Variants in GRID1 observed in about 807,000 individuals in gnomAD.
GRID1 encodes glutamate ionotropic receptor delta type subunit 1.
In GRID1, 28 loss-of-function variants were observed where a neutral mutation model predicts 98.0. The observed-to-expected ratio is 0.29, with a 90% CI of 0.21 to 0.39. The LOEUF is 0.39. Among genes scored for constraint, GRID1 ranks in the 10% least tolerant of loss-of-function variants. The pLI, the probability that GRID1 is intolerant of heterozygous loss-of-function variation, is 1.00. For synonymous variants in GRID1, 553 were observed against 538.5 expected, an observed-to-expected ratio of 1.03 and a Z score of -0.37; for missense variants, 1,111 against 1,340.5, an observed-to-expected ratio of 0.83 and a Z score of 2.67.
intron 4 of GRID1, among the ~76,000 whole-genome samples, chr10:86,057,776 A>C (rs943676660): frequency 1.4e-4 from 21 of 150,718 alleles, no homozygotes; most frequent in African/African-American, 4.4e-4. Context: ...CTTTCTCCAC[A>C]CTCTAATGCA....
intron 12 of GRID1, among the ~76,000 whole-genome samples, chr10:85,666,772 C>A (rs1033091739): frequency 2.0e-5 from 3 of 152,140 alleles, no homozygotes; most frequent in Non-Finnish European, 2.9e-5. Flanking sequence ...CTAACACTTA[C>A]GTAGTCTCAA....
chr10:85,644,702 C>A (rs550212867), intron 13 of GRID1, among the ~76,000 whole-genome samples: 26 of 152,268 alleles, frequency 1.7e-4, no homozygotes, highest in African/African-American at 6.0e-4. Context: ...AGTGTAATTG[C>A]TGGGCCATAC....
chr10:85,676,223 G>C (rs1173107284), intron 12 of GRID1, among the ~76,000 whole-genome samples: 1 of 151,994 alleles, frequency 6.6e-6, no homozygotes, highest in African/African-American at 2.4e-5. Flanking sequence ...CAGCTAATGG[G>C]GCAAGGACAC....
intron 4 of GRID1, among the ~76,000 whole-genome samples, chr10:86,020,558 T>C (rs1297722069): frequency 6.6e-6 from 1 of 152,224 alleles, no homozygotes; most frequent in Non-Finnish European, 1.5e-5. Context: ...ATTTCCTGCC[T>C]ATTAAAATGG....
intron 4 of GRID1, among the ~76,000 whole-genome samples, chr10:86,085,632 A>G (rs919241199): frequency 4.6e-5 from 7 of 152,120 alleles, no homozygotes; most frequent in Non-Finnish European, 1.0e-4. Flanking sequence ...ATGGACAGTC[A>G]CAGGGAACAT....
rs1589464699 is a variant in GRID1 at position 86,365,432 on chromosome 10, A to C, written c.79+882T>G. On this transcript the variant is annotated intron_variant, in intron 1 of 15. Transcript: ENST00000327946. The surrounding 1 kb of genome is among the most constrained non-coding windows in gnomAD (Gnocchi z 4.8). ...TCCTCCCGTGTTGCTCCCAACTCCC[A>C]CCCACTCCCCCTCGGCGCGCCCACT... Among the ~76,000 whole-genome samples the C allele has an allele frequency of 7.7e-6, 1 of 130,320 alleles. No homozygotes were observed. The highest frequency in any genetic ancestry group is 3.0e-5 in the African/African-American group (1 of 33,344). The allele number at this position is 130,320 out of a possible 152,430, so 85.5% of individuals were successfully genotyped here.
At position 85,671,413 on chromosome 10, in the gene GRID1, G is replaced by A. The variant is rs1239935140; in HGVS notation, c.1998-24016C>T. On this transcript the variant is annotated intron_variant, in intron 12 of 15. Coordinates refer to ENST00000327946, the MANE Select transcript of GRID1 (RefSeq NM_017551.3). ...TTATTATTATTATATCTGTTACAGTGATCTATGATCAGTGATTTTTGATGT... is the reference window on the plus strand; with the variant it reads ...TTATTATTATTATATCTGTTACAGTAATCTATGATCAGTGATTTTTGATGT... Among the ~76,000 whole-genome samples the A allele has an allele frequency of 3.3e-5, 5 of 152,070 alleles. No homozygotes were observed. The South Asian group carries it at 1.0e-3, about 32-fold the overall frequency.
chr10:86,362,525 C>A (rs528210740), intron 2 of GRID1, among the ~76,000 whole-genome samples: 16 of 152,294 alleles, frequency 1.1e-4, no homozygotes, highest in Middle Eastern at 3.4e-3. Context: ...CCTCACCCCC[C>A]CTAAAAGAAA....
chr10:86,008,699 C>A (rs1021788206), intron 4 of GRID1, among the ~76,000 whole-genome samples: 2 of 152,168 alleles, frequency 1.3e-5, no homozygotes, highest in South Asian at 4.2e-4. Flanking sequence ...CAATAAAATG[C>A]CATTTTATAC....
intron 8 of GRID1, among the ~76,000 whole-genome samples, chr10:85,837,598 T>C (rs1177850564): frequency 1.3e-5 from 2 of 149,756 alleles, no homozygotes; most frequent in Admixed American, 6.7e-5. Context: ...CACCTTATAC[T>C]ACAATCAAGT....
intron 2 of GRID1, among the ~76,000 whole-genome samples, chr10:86,233,565 T>G (rs2607837): frequency 0.89 from 136,045 of 152,202 alleles, 61,358 homozygotes; most frequent in African/African-American, 0.92. Flanking sequence ...CTCCCCACCC[T>G]AGGGTAGCTC....
chr10:85,767,171 A>G (rs1471847763), intron 8 of GRID1, among the ~76,000 whole-genome samples: 1 of 152,228 alleles, frequency 6.6e-6, no homozygotes, highest in Non-Finnish European at 1.5e-5. Flanking sequence ...TGTCTTATGA[A>G]AGTTGTAGCT....
intron 1 of GRID1, among the ~76,000 whole-genome samples, chr10:86,364,888 GGC>G (rs1244611411): frequency 6.6e-6 from 1 of 152,122 alleles, no homozygotes; most frequent in African/African-American, 2.4e-5. Context: ...CCCTCCGGCT[GGC>G]GCTTTGTGCG....
intron 4 of GRID1, chr10:86,052,601 A>T (rs930775580): frequency 3.9e-5 from 6 of 151,948 alleles, no homozygotes; most frequent in African/African-American, 7.3e-5. Context: ...ACATATGTTT[A>T]AAAAAAATGA....
rs1470842660 is a variant in GRID1, at chr10:86,266,431, C to T, written c.236-59783G>A. 2.0e-5 allele frequency among the ~76,000 whole-genome samples: 3 copies of T among 152,242 alleles called. No individual in the cohort carries two copies. The East Asian group carries it at 5.8e-4, about 29-fold the overall frequency. On this transcript the variant is annotated intron_variant, in intron 2 of 15. Coordinates refer to ENST00000327946, the MANE Select transcript of GRID1 (RefSeq NM_017551.3). ...CTGACCCCCAAATACACCATGCCTT[C>T]CCAGCACTTCTACACAGCTGAGGAG...
intron 3 of GRID1, among the ~76,000 whole-genome samples, chr10:86,204,127 G>A (rs1845992256): frequency 6.6e-6 from 1 of 152,200 alleles, no homozygotes; most frequent in South Asian, 2.1e-4. Flanking sequence ...GTGGGGGAGT[G>A]TGACTGTAGA....
chr10:85,844,740 T>C (rs1186245565), intron 8 of GRID1, among the ~76,000 whole-genome samples: 1 of 151,896 alleles, frequency 6.6e-6, no homozygotes, highest in African/African-American at 2.4e-5. Context: ...AAAATAATAA[T>C]AACAGCATGG....
intron 8 of GRID1, among the ~76,000 whole-genome samples, chr10:85,772,126 C>T (rs1475662780): frequency 6.6e-6 from 1 of 152,170 alleles, no homozygotes; most frequent in Admixed American, 6.5e-5. Flanking sequence ...AACTGTCTCT[C>T]AGACCACAGT....
rs763283212 is a variant in GRID1 at position 85,613,512 on chromosome 10, G to A, written c.2496C>T (p.Ala832=). The A allele has an allele frequency of 4.0e-5, 64 of 1,614,026 alleles. No homozygotes were observed. Among genetic ancestry groups the A allele is most frequent in the South Asian group, 5.5e-5 (5 of 91,086 alleles). ...DGKSLKLHSF[A]GVFCILAIGL... ...CAATGGCCAGGATGCAGAAGACCCCGGCGAAGCTGTGCAGCTTGAGGGATT... is the reference window on the plus strand; with the variant it reads ...CAATGGCCAGGATGCAGAAGACCCCAGCGAAGCTGTGCAGCTTGAGGGATT... Residue 832 remains alanine, a synonymous_variant, in exon 15 of 16, where the codon GCC becomes GCT. Transcript: ENST00000327946.
Sources: allele counts gnomAD v4.1 joint callset (sites outside exome capture counted in the v4.1 genomes callset), GRCh38; gene constraint gnomAD v4.1.1; non-coding constraint Gnocchi (gnomAD v3.1); transcripts MANE v1.5; gene names NCBI Gene and HGNC (gene_info 2026-07-23, HGNC 2026-07-21).